The following NPIPB2 variants were observed in gnomAD, a reference collection of about 807,000 sequenced individuals.
NPIPB2 encodes nuclear pore complex interacting protein family member B2, also known as nuclear pore complex-interacting protein family member B2.
In NPIPB2, 27 loss-of-function variants were observed where a neutral mutation model predicts 30.8. The observed-to-expected ratio is 0.88, with a 90% CI of 0.65 to 1.21. NPIPB2 has a LOEUF of 1.21. Among genes scored for constraint, NPIPB2 ranks in the 50% most tolerant of loss-of-function variants. The probability of loss-of-function intolerance (pLI) is 0.00; values close to 1 mark genes in which losing one functional copy is unlikely to be tolerated. For synonymous variants in NPIPB2, 147 were observed against 162.0 expected, an observed-to-expected ratio of 0.91 and a Z score of 0.70; for missense variants, 440 against 446.2, an observed-to-expected ratio of 0.99 and a Z score of 0.13.
chr16:11,966,278 G>T (rs146604927), intron 1 of NPIPB2: 4 of 1,613,862 alleles, frequency 2.5e-6, no homozygotes, highest in African/African-American at 2.7e-5. Flanking sequence ...GGCAGTTTTC[G>T]TGCTAATGTT....
intron 4 of NPIPB2, 105 bp downstream of exon 4, chr16:11,933,412 A>T (rs550002192): frequency 6.5e-7 from 1 of 1,527,468 alleles, no homozygotes; most frequent in South Asian, 1.2e-5. Flanking sequence ...GAACCCACTG[A>T]ATTTGCCACA....
intron 1 of NPIPB2, among the ~76,000 whole-genome samples, chr16:11,965,836 T>C (rs112598359): frequency 0.01 from 1,538 of 152,192 alleles, 31 homozygotes; most frequent in African/African-American, 0.035. Context: ...CCGGGTGCGG[T>C]GGATGGCTCA....
chr16:11,962,789 C>T (rs2055163575), intron 1 of NPIPB2, among the ~76,000 whole-genome samples: 1 of 151,972 alleles, frequency 6.6e-6, no homozygotes, highest in East Asian at 1.9e-4. Flanking sequence ...TTATCAGTGG[C>T]TGGGCGCGGT....
upstream of NPIPB2, among the ~76,000 whole-genome samples, chr16:11,946,062 GAAGA>G (rs1030147731): frequency 2.0e-4 from 30 of 150,840 alleles, no homozygotes; most frequent in East Asian, 3.9e-4. Flanking sequence ...AAGAATGAAA[GAAGA>G]AAGAAAGAAA....
intron 4 of NPIPB2, among the ~76,000 whole-genome samples, chr16:11,932,771 G>A (rs2054807688): frequency 3.5e-5 from 1 of 28,246 alleles, no homozygotes; most frequent in Non-Finnish European, 6.2e-5. Context: ...GTGAGACTCT[G>A]TCTCAAAAAA....
chr16:11,936,327 G>A (rs982516757), intron 2 of NPIPB2, among the ~76,000 whole-genome samples: 1 of 151,710 alleles, frequency 6.6e-6, no homozygotes, highest in Non-Finnish European at 1.5e-5. Context: ...AAAAAAAAAA[G>A]AAAAAAGCTT....
intron 1 of NPIPB2, among the ~76,000 whole-genome samples, chr16:11,947,439 G>C (rs2055023095): frequency 2.0e-5 from 3 of 151,536 alleles, no homozygotes; most frequent in African/African-American, 7.2e-5. Context: ...CCACCTCCCA[G>C]GTTCACGCCA....
In NPIPB2 at chr16:11,974,717, A is replaced by G. The variant is rs78985081; in HGVS notation, c.-584+1851T>C. On this transcript the variant is annotated intron_variant, in intron 1 of 5. Transcript: ENST00000538896. The stretch of plus-strand genomic sequence containing the variant: ...CTTCACTCGGGGTGTGGGCAAAACA[A>G]GTTGGGAAAATACTCCTTCAGTCCC... Among the ~76,000 whole-genome samples the G allele has an allele frequency of 9.6e-3, 1,459 of 152,218 alleles. 49 individuals are homozygous for G. The highest frequency in any genetic ancestry group is 0.089 in the East Asian group (461 of 5,168).
intron 3 of NPIPB2, 36 bp from the exon 4 acceptor site, chr16:11,933,748 C>T (rs1350273931): frequency 5.0e-6 from 8 of 1,596,164 alleles, no homozygotes; most frequent in Non-Finnish European, 6.8e-6. Context: ...GGTGAGAAAC[C>T]TGAGGGCAAG....
rs569995559 is a variant in NPIPB2, at chr16:11,962,666, C to T, written c.-584+13902G>A. ...GAGGAAGACTGACAGTAATTACTGCCTCTGGCAAGAGAGAGGAAATCCAGG... is the reference window on the plus strand; with the variant it reads ...GAGGAAGACTGACAGTAATTACTGCTTCTGGCAAGAGAGAGGAAATCCAGG... On this transcript the variant is annotated intron_variant, in intron 1 of 5. Transcript: ENST00000538896. 1.2e-4 allele frequency among the ~76,000 whole-genome samples: 18 copies of T among 151,798 alleles called. No individual in the cohort carries two copies. The South Asian group carries it at 3.1e-3, about 26-fold the overall frequency.
At chr16:11,939,328 A>G (rs1379801994) in intron 1 of NPIPB2, among the ~76,000 whole-genome samples, 3 of 152,116 alleles carry the variant, frequency 2.0e-5, no homozygotes, top group Admixed American at 6.5e-5. Context: ...TTGGGAAGCC[A>G]AGGTGGGTGG....
chr16:11,944,917 G>A (rs1376877639), upstream of NPIPB2, among the ~76,000 whole-genome samples: 1 of 151,722 alleles, frequency 6.6e-6, no homozygotes, highest in African/African-American at 2.4e-5. Context: ...GGTGGCTCAT[G>A]CCTGTAATCC....
chr16:11,944,830 G>C (rs1342653423), upstream of NPIPB2, among the ~76,000 whole-genome samples: 2 of 150,850 alleles, frequency 1.3e-5, no homozygotes, highest in Admixed American at 6.7e-5. Flanking sequence ...GCTGTTACCT[G>C]CTGAAGCCCT....
At chr16:11,939,396 TA>T (rs2054908994) in intron 1 of NPIPB2, among the ~76,000 whole-genome samples, 1 of 150,794 alleles carries the variant, frequency 6.6e-6, no homozygotes, top group South Asian at 2.1e-4. Context: ...CCATCTCTAC[TA>T]AAAATACAAA....
At chr16:11,945,449 G>A (rs1038934006), upstream of NPIPB2, among the ~76,000 whole-genome samples, 4 of 151,750 alleles carry the variant, frequency 2.6e-5, no homozygotes, top group Non-Finnish European at 5.9e-5. Flanking sequence ...TGGGGTGGGT[G>A]GATCACTTGA....
chr16:11,953,130 A>T (rs541260170), intron 1 of NPIPB2, among the ~76,000 whole-genome samples: 5 of 152,172 alleles, frequency 3.3e-5, no homozygotes, highest in Admixed American at 1.3e-4. Flanking sequence ...TCAGTGCTGC[A>T]TTGAAAACCC....
intron 2 of NPIPB2, among the ~76,000 whole-genome samples, chr16:11,936,051 T>A (rs1344450086): frequency 6.7e-6 from 1 of 149,582 alleles, no homozygotes; most frequent in Non-Finnish European, 1.5e-5. Context: ...ACGCTTGTAA[T>A]CCCAGCACTT....
intron 1 of NPIPB2, among the ~76,000 whole-genome samples, chr16:11,957,366 C>T (rs62037665): frequency 0.14 from 21,419 of 151,918 alleles, 1,613 homozygotes; most frequent in South Asian, 0.2. Flanking sequence ...GGTTTCACCA[C>T]GTTAGCCAGG....
intron 1 of NPIPB2, among the ~76,000 whole-genome samples, chr16:11,961,110 G>A (rs1357373673): frequency 6.6e-6 from 1 of 151,704 alleles, no homozygotes; most frequent in Non-Finnish European, 1.5e-5. Flanking sequence ...TGATCCACCT[G>A]CTTCAGCCTC....
Sources: allele counts gnomAD v4.1 joint callset (sites outside exome capture counted in the v4.1 genomes callset), GRCh38; gene constraint gnomAD v4.1.1; transcripts MANE v1.5; gene names NCBI Gene and HGNC (gene_info 2026-07-23, HGNC 2026-07-21).